The following SGMS1 variants were observed in gnomAD, a reference collection of about 807,000 sequenced individuals.
The protein encoded by SGMS1 is sphingomyelin synthase 1, also known as phosphatidylcholine:ceramide cholinephosphotransferase 1.
Under a neutral mutation model 46.2 loss-of-function variants are expected in SGMS1, and 13 were observed. That is an observed-to-expected ratio of 0.28 (90% CI 0.18 to 0.45). The LOEUF (loss-of-function observed/expected upper bound fraction) is 0.45. SGMS1 is among the 20% of genes least tolerant of loss of function. The pLI is 1.00. For missense variants in SGMS1, 324 were observed against 519.9 expected, an observed-to-expected ratio of 0.62 and a Z score of 3.66; for synonymous variants, 203 against 187.8, an observed-to-expected ratio of 1.08 and a Z score of -0.66.
At chr10:50,505,357 C>T (rs939802910) in intron 3 of SGMS1, among the ~76,000 whole-genome samples, 14 of 152,258 alleles carry the variant, frequency 9.2e-5, no homozygotes, top group Middle Eastern at 3.4e-3. Context: ...CAATTTATAA[C>T]GAACAAAAGT....
chr10:50,445,152 A>C (rs1836994890), intron 5 of SGMS1, among the ~76,000 whole-genome samples: 1 of 152,214 alleles, frequency 6.6e-6, no homozygotes, highest in Non-Finnish European at 1.5e-5. Flanking sequence ...AGGAATCTAC[A>C]AGATACCACT....
At chr10:50,365,585 C>T (rs1426795084) in intron 6 of SGMS1, among the ~76,000 whole-genome samples, 1 of 152,022 alleles carries the variant, frequency 6.6e-6, no homozygotes, top group African/African-American at 2.4e-5. Flanking sequence ...TCTCCTCTTG[C>T]CCCCATACCC....
chr10:50,453,197 A>G (rs1340252476), intron 5 of SGMS1, among the ~76,000 whole-genome samples: 1 of 152,194 alleles, frequency 6.6e-6, no homozygotes, highest in Non-Finnish European at 1.5e-5. Flanking sequence ...TCAGCATAAA[A>G]TAAGTATATT....
chr10:50,435,746 T>C (rs1402988809), intron 5 of SGMS1, among the ~76,000 whole-genome samples: 1 of 152,132 alleles, frequency 6.6e-6, no homozygotes. Context: ...TTGTCAGTTA[T>C]GTTAAAAACA....
At chr10:50,562,286 G>A (rs1462235744) in intron 2 of SGMS1, among the ~76,000 whole-genome samples, 2 of 151,850 alleles carry the variant, frequency 1.3e-5, no homozygotes, top group Middle Eastern at 6.8e-3. Context: ...TTATGGTTTG[G>A]TGTATCTGCT....
Position 50,590,226 on chromosome 10 carries a change from G to A in SGMS1, c.-662C>T, listed in dbSNP as rs1838527582. On this transcript the variant is annotated 5_prime_UTR_variant, in exon 2 of 11. Coordinates refer to ENST00000361781, the MANE Select transcript of SGMS1 (RefSeq NM_147156.4). ...AAATATGCCCACGGGCCCATTCAGG[G>A]ATCGTACATGCTGTCGTCACGCTGC... The A allele has an allele frequency of 6.6e-6, 1 of 152,324 alleles. No homozygotes were observed. The highest frequency in any genetic ancestry group is 1.5e-5 in the Non-Finnish European group (1 of 68,042). 9.4% of individuals were successfully genotyped at this position (152,324 alleles called of 1,614,324 possible).
intron 3 of SGMS1, among the ~76,000 whole-genome samples, chr10:50,479,025 C>T (rs1237745674): frequency 9.0e-6 from 1 of 111,588 alleles, no homozygotes; most frequent in East Asian, 2.3e-4. Context: ...ATGCCAGTCA[C>T]ATTCCATTAA....
rs1426193026 is a variant in SGMS1, at chr10:50,329,401, AACTGT to A, written c.624-2084_624-2080del. On this transcript the variant is annotated intron_variant, in intron 7 of 10. Transcript: ENST00000361781. Reference sequence around the variant, plus strand: ...CTGAAATTTGACCATTTCCATGTGAAACTGTCAATGTTAACAATAAGGTGACAAGT... The same window carrying A: ...CTGAAATTTGACCATTTCCATGTGAACAATGTTAACAATAAGGTGACAAGT... Among the ~76,000 whole-genome samples, 6 of 152,236 alleles carry A rather than the reference AACTGT, an allele frequency of 3.9e-5. No individual in the cohort carries two copies. The East Asian group carries it at 1.2e-3, about 29-fold the overall frequency.
At chr10:50,385,005 T>A (rs1848662669) in intron 6 of SGMS1, among the ~76,000 whole-genome samples, 1 of 152,244 alleles carries the variant, frequency 6.6e-6, no homozygotes, top group Non-Finnish European at 1.5e-5. Context: ...TCTCTGCTAA[T>A]ACGTGGCAGT....
chr10:50,602,313 G>T (rs1838656445), intron 1 of SGMS1, among the ~76,000 whole-genome samples: 1 of 152,200 alleles, frequency 6.6e-6, no homozygotes, highest in African/African-American at 2.4e-5. Flanking sequence ...CAGGGAGAAT[G>T]TTCTGCTTCC....
At chr10:50,623,583 A>G in intron 1 of SGMS1, 124 bp downstream of exon 1, 1 of 984,666 alleles carries the variant, frequency 1.0e-6, no homozygotes, top group Non-Finnish European at 1.2e-6. Context: ...GGCTGCGCTC[A>G]CGCCCCCTCG....
At chr10:50,311,574 G>A (rs1301236570) in intron 8 of SGMS1, among the ~76,000 whole-genome samples, 159 bp from the exon 9 acceptor site, 1 of 132,096 alleles carries the variant, frequency 7.6e-6, no homozygotes, top group Non-Finnish European at 1.6e-5. Context: ...TCCAAGAGTA[G>A]CCCTTGGGGC....
chr10:50,611,971 C>T (rs1838754277), intron 1 of SGMS1, among the ~76,000 whole-genome samples: 1 of 152,222 alleles, frequency 6.6e-6, no homozygotes, highest in East Asian at 1.9e-4. Context: ...CCCTATCTCC[C>T]TCCCAGTCCT....
At chr10:50,571,301 C>A (rs1286845390) in intron 2 of SGMS1, among the ~76,000 whole-genome samples, 5 of 152,214 alleles carry the variant, frequency 3.3e-5, no homozygotes, top group African/African-American at 1.2e-4. Context: ...ACATTCCCTC[C>A]CCTAGAAATG....
At chr10:50,433,112 G>A (rs1163616306) in intron 6 of SGMS1, among the ~76,000 whole-genome samples, 1 of 152,168 alleles carries the variant, frequency 6.6e-6, no homozygotes, top group Non-Finnish European at 1.5e-5. Flanking sequence ...ATACGTGAGT[G>A]AGAAATGGAG....
At chr10:50,443,269 CTACT>C (rs1849567744) in intron 5 of SGMS1, among the ~76,000 whole-genome samples, 1 of 152,106 alleles carries the variant, frequency 6.6e-6, no homozygotes, top group Admixed American at 6.6e-5. Flanking sequence ...CTAAGTTAAC[CTACT>C]TACTAAGTGA....
rs1224992993 is a variant in SGMS1 at position 50,519,865 on chromosome 10, A to G, written c.-532T>C. The G allele has an allele frequency of 1.3e-5, 2 of 152,316 alleles. No individual in the cohort carries two copies. Among genetic ancestry groups the G allele is most frequent in the African/African-American group, 2.4e-5 (1 of 41,446 alleles). 9.4% of individuals were successfully genotyped at this position (152,316 alleles called of 1,614,324 possible). ...ATTACACACCCTCTGCTGTGTTCCA[A>G]CTTTACTGTTCTTGAAATTCAAAAA... On this transcript the variant is annotated 5_prime_UTR_variant, in exon 3 of 11. Transcript: ENST00000361781.
chr10:50,588,317 C>T (rs1439380820), intron 2 of SGMS1, among the ~76,000 whole-genome samples: 3 of 152,306 alleles, frequency 2.0e-5, no homozygotes, highest in South Asian at 2.1e-4. Context: ...AAATAGGCAA[C>T]CTTATAGACA....
chr10:50,591,945 G>C (rs767194580), intron 1 of SGMS1, among the ~76,000 whole-genome samples: 1 of 152,188 alleles, frequency 6.6e-6, no homozygotes, highest in Non-Finnish European at 1.5e-5. Context: ...GTGTACAAAA[G>C]CCTAAAGAAA....
Sources: allele counts gnomAD v4.1 joint callset (sites outside exome capture counted in the v4.1 genomes callset), GRCh38; gene constraint gnomAD v4.1.1; transcripts MANE v1.5; gene names NCBI Gene and HGNC (gene_info 2026-07-23, HGNC 2026-07-21).